The following G6PC1 variants were observed in gnomAD, a reference collection of about 807,000 sequenced individuals.
The protein encoded by G6PC1 is G-6-Pase.
In G6PC1, 23 loss-of-function variants were observed where a neutral mutation model predicts 30.4. That is an observed-to-expected ratio of 0.76 (90% confidence interval 0.55 to 1.07). The LOEUF (loss-of-function observed/expected upper bound fraction) is 1.07. G6PC1 is among the 50% of genes least tolerant of loss of function. The pLI, the probability that G6PC1 is intolerant of heterozygous loss-of-function variation, is 0.00. For synonymous variants in G6PC1, 163 were observed against 175.6 expected (o/e 0.93, Z 0.57); for missense variants, 391 against 433.9 (o/e 0.90, Z 0.88).
At chr17:42,905,415 GAA>G (rs1241281428) in intron 2 of G6PC1, among the ~76,000 whole-genome samples, 1,828 of 48,822 alleles carry the variant, frequency 0.037, 65 homozygotes, top group African/African-American at 0.14. Flanking sequence ...GACACCATCT[GAA>G]AAAAAAAAAA....
chr17:42,909,222 C>A lies in G6PC1; in HGVS notation c.447-81C>A, dbSNP rs1454864434. The A allele has an allele frequency of 1.0e-4, 111 of 1,057,210 alleles. 1 individual carries two copies. Among genetic ancestry groups the A allele is most frequent in the South Asian group, 1.2e-5 (1 of 80,074 alleles). 65.5% of individuals were successfully genotyped at this position (1,057,210 alleles called of 1,614,324 possible). A position where few individuals can be genotyped will look rare whatever the true frequency, so the allele number is the denominator to read the frequency against. ...ACTGAGAGCACCTAAGTTTGCCAGG[C>A]TCCAACATTTCTGCAGGGGCTGTTT... On this transcript the variant is annotated intron_variant, in intron 3 of 4. Coordinates refer to ENST00000253801, the MANE Select transcript of G6PC1 (RefSeq NM_000151.4).
Position 42,902,964 on chromosome 17 carries a change from C to T in G6PC1, c.231-967C>T, listed in dbSNP as rs563487551. ...AGATTCCCTGAGGCCTGAGGGAACC[C>T]ATGGTATATGCAAGTCCAAGTTTCA... On this transcript the variant is annotated intron_variant, in intron 1 of 4. Transcript: ENST00000253801. Among the ~76,000 whole-genome samples the T allele has an allele frequency of 2.6e-5, 4 of 151,870 alleles. 1 individual carries two copies. The highest frequency in any genetic ancestry group is 9.7e-5 in the African/African-American group (4 of 41,382).
chr17:42,908,061 C>T (rs768466190), intron 3 of G6PC1, among the ~76,000 whole-genome samples: 58 of 152,316 alleles, frequency 3.8e-4, no homozygotes, highest in Non-Finnish European at 2.9e-5. Context: ...GATGCAGTCT[C>T]GCTCTGTCAT....
rs2056022466 is a variant in G6PC1, at chr17:42,901,018, C to T, written c.142C>T (p.Pro48Ser). The change falls in exon 1 of 5, where the codon CCC (proline) becomes TCC (serine). Residue 48 changes from proline (P) to serine (S), a missense_variant. Transcript: ENST00000253801. Reference protein sequence around the residue: ...DLRNAFYVLFPIWFHLQEAVG... With the variant: ...DLRNAFYVLFSIWFHLQEAVG... ...CAGGAATGCCTTCTACGTCCTCTTC[C>T]CCATCTGGTTCCATCTTCAGGAAGC... is the stretch of plus-strand genomic sequence containing the variant. 1 of 1,614,074 alleles carries T rather than the reference C, an allele frequency of 6.2e-7. No homozygotes were observed. Among genetic ancestry groups the T allele is most frequent in the Admixed American group, 1.7e-5 (1 of 60,006 alleles).
intron 1 of G6PC1, among the ~76,000 whole-genome samples, chr17:42,902,415 T>C (rs993077083): frequency 5.3e-5 from 8 of 151,772 alleles, no homozygotes; most frequent in African/African-American, 9.7e-5. Flanking sequence ...GCCCAGCTAA[T>C]TTTTTTTGTA....
intron 2 of G6PC1, among the ~76,000 whole-genome samples, chr17:42,904,757 C>T (rs1380162067): frequency 1.3e-5 from 2 of 152,172 alleles, no homozygotes; most frequent in African/African-American, 4.8e-5. Context: ...ACACAAAGAT[C>T]CCTGCCCTTG....
Position 42,911,746 on chromosome 17 carries a change from ATT to A in G6PC1, c.*323_*324del, listed in dbSNP as rs2056098148. ...GAGCTCACTCCCACTGGAACAGCCC[ATT>A]TTATCTTTGAATGGTCTTCTGCCAG... On this transcript the variant is annotated 3_prime_UTR_variant, in exon 5 of 5. Coordinates refer to ENST00000253801, the MANE Select transcript of G6PC1 (RefSeq NM_000151.4). 2.4e-6 allele frequency: 1 copy of A among 411,498 alleles called. No homozygotes were observed. The highest frequency in any genetic ancestry group is 2.0e-5 in the African/African-American group (1 of 49,490). The allele number at this position is 411,498 out of a possible 1,614,324, so 25.5% of individuals were successfully genotyped here. A position where few individuals can be genotyped will look rare whatever the true frequency, so the allele number is the denominator to read the frequency against.
intron 2 of G6PC1, among the ~76,000 whole-genome samples, chr17:42,905,623 T>G (rs915118634): frequency 1.3e-5 from 2 of 151,954 alleles, no homozygotes; most frequent in African/African-American, 4.8e-5. Flanking sequence ...AAGGATGAAT[T>G]TCTCCCTGAA....
At chr17:42,909,831 C>T (rs1296804856) in intron 4 of G6PC1, among the ~76,000 whole-genome samples, 1 of 151,028 alleles carries the variant, frequency 6.6e-6, no homozygotes, top group Non-Finnish European at 1.5e-5. Flanking sequence ...CAGTTGATCT[C>T]TTTTATAGGT....
chr17:42,909,261 A>T (rs2151931718), intron 3 of G6PC1, 42 bp from the exon 4 acceptor site: 1 of 1,400,986 alleles, frequency 7.1e-7, no homozygotes, highest in East Asian at 2.3e-5. Flanking sequence ...TTGCTGAAGG[A>T]TCTGCACCTG....
In G6PC1 at chr17:42,902,087, C is replaced by A. The variant is rs545259862; in HGVS notation, c.230+981C>A. On this transcript the variant is annotated intron_variant, in intron 1 of 4. Transcript: ENST00000253801. ...AGTACATGCCGAGCCAGGATGGAAG[C>A]CCAGGTAGGCAGGCTGGCTTCCGCG... 1.1e-4 allele frequency among the ~76,000 whole-genome samples: 16 copies of A among 152,252 alleles called. No homozygotes were observed. In the East Asian group the frequency reaches 2.3e-3, roughly 22 times the overall value.
At position 42,905,771 on chromosome 17, in the gene G6PC1, G is replaced by A. The variant is rs971037390; in HGVS notation, c.340+1731G>A. Among the ~76,000 whole-genome samples, 9 of 152,124 alleles carry A rather than the reference G, an allele frequency of 5.9e-5. No homozygotes were observed. The East Asian group carries it at 9.7e-4, about 16-fold the overall frequency. On this transcript the variant is annotated intron_variant, in intron 2 of 4. Coordinates refer to ENST00000253801, the MANE Select transcript of G6PC1 (RefSeq NM_000151.4). ...AAGGCTCAGAAAGTAGGCCGGGCGC[G>A]GTGGCTCACGCCTGTAATCCTAGCA...
In G6PC1 at chr17:42,914,080, C is replaced by T. The variant is rs1224171949; in HGVS notation, c.*2654C>T. Among the ~76,000 whole-genome samples, 1 of 151,726 alleles carries T rather than the reference C, an allele frequency of 6.6e-6. No individual in the cohort carries two copies. Among genetic ancestry groups the T allele is most frequent in the African/African-American group, 2.4e-5 (1 of 41,178 alleles). On this transcript the variant is annotated 3_prime_UTR_variant, in exon 5 of 5. Coordinates refer to ENST00000253801, the MANE Select transcript of G6PC1 (RefSeq NM_000151.4). The stretch of plus-strand genomic sequence containing the variant: ...CCTCACAGAATCAAATGGTCCCAAC[C>T]AGGGAGAAAGAAAATAGTCTTTTTT...
chr17:42,910,934 T>C lies in G6PC1; in HGVS notation c.582T>C (p.Thr194=), dbSNP rs754345839. ...GVLSGIAVAE[T]FSHIHSIYNA... ...ACTCAGGCATTGCTGTTGCAGAAAC[T>C]TTCAGCCACATCCACAGCATCTATA... Residue 194 remains threonine (T), a synonymous_variant, in exon 5 of 5, where the codon ACT becomes ACC. Transcript: ENST00000253801. 3.5e-5 allele frequency: 56 copies of C among 1,614,096 alleles called. No homozygotes were observed. Among genetic ancestry groups the C allele is most frequent in the Non-Finnish European group, 4.6e-5 (54 of 1,180,048 alleles).
At chr17:42,901,211 C>A (rs79175009) in intron 1 of G6PC1, 105 bp downstream of exon 1, 17 of 964,670 alleles carry the variant, frequency 1.8e-5, no homozygotes, top group Non-Finnish European at 2.5e-5. Flanking sequence ...CAGGAAGCCA[C>A]GGGCTACTCA....
intron 1 of G6PC1, among the ~76,000 whole-genome samples, chr17:42,901,352 G>T (rs191964473): frequency 6.6e-6 from 1 of 152,226 alleles, no homozygotes; most frequent in East Asian, 1.9e-4. Flanking sequence ...GTTGAATTTC[G>T]TGAAAAGTCT....
rs1382125946 is a variant in G6PC1, at chr17:42,913,554, A to G, written c.*2128A>G. ...CAGGGGCACAGGCAGAGTTGAGCAC[A>G]TAAACGGAGGCCCAAAATCAGCATA... On this transcript the variant is annotated 3_prime_UTR_variant, in exon 5 of 5. Transcript: ENST00000253801. Among the ~76,000 whole-genome samples, 1 of 152,234 alleles carries G rather than the reference A, an allele frequency of 6.6e-6. No homozygotes were observed. The highest frequency in any genetic ancestry group is 2.4e-5 in the African/African-American group (1 of 41,468).
At chr17:42,910,817 C>G (rs760800567) in intron 4 of G6PC1, 98 bp from the exon 5 acceptor site, 27 of 1,156,606 alleles carry the variant, frequency 2.3e-5, no homozygotes, top group Non-Finnish European at 3.5e-5. Context: ...ATTCCACAGT[C>G]GCAGAACGGA....
intron 3 of G6PC1, among the ~76,000 whole-genome samples, chr17:42,908,858 C>A (rs535973403): frequency 3.3e-5 from 5 of 151,748 alleles, no homozygotes; most frequent in Admixed American, 6.6e-5. Context: ...CGTGAGCCAC[C>A]CCACCTGGCT....
Sources: gnomAD v4.1 joint callset for allele counts (sites outside exome capture counted in the v4.1 genomes callset) on GRCh38, gnomAD v4.1.1 for gene constraint, MANE v1.5 for transcripts, NCBI Gene and HGNC (gene_info 2026-07-23, HGNC 2026-07-21) for gene names.